The following GRAMD4 variants were observed in gnomAD, a reference collection of about 807,000 sequenced individuals.
The protein encoded by GRAMD4 is GRAM domain containing 4, also known as GRAM domain-containing protein 4.
Under a neutral mutation model 83.9 loss-of-function variants are expected in GRAMD4, and 25 were observed. That is an observed-to-expected ratio of 0.30 (90% confidence interval 0.22 to 0.42). GRAMD4 has a LOEUF of 0.42. Ranked by LOEUF, GRAMD4 falls within the 10% of genes least tolerant of loss-of-function variation. The probability of loss-of-function intolerance (pLI) is 1.00; values close to 1 mark genes in which losing one functional copy is unlikely to be tolerated. For synonymous variants in GRAMD4, 336 were observed against 320.9 expected (o/e 1.05, Z -0.50); for missense variants, 593 against 788.7 (o/e 0.75, Z 2.97).
At chr22:46,602,111 G>T (rs775239668) in intron 1 of GRAMD4, among the ~76,000 whole-genome samples, 1 of 152,224 alleles carries the variant, frequency 6.6e-6, no homozygotes, top group Non-Finnish European at 1.5e-5. Flanking sequence ...GAGGCTGTGG[G>T]GCTGCACTGT....
intron 1 of GRAMD4, among the ~76,000 whole-genome samples, chr22:46,584,221 G>A (rs908059201): frequency 6.6e-6 from 1 of 152,082 alleles, no homozygotes; most frequent in Non-Finnish European, 1.5e-5. Context: ...CCTTCTGCAG[G>A]GAGCCCGGGT....
chr22:46,620,623 C>G lies in GRAMD4; in HGVS notation c.-50+58C>G. ...TGGTAGGGCCCATCTGAGTGGAAGC[C>G]CCAGCCTTGGGAAAAGCTGCTACTC... On this transcript the variant is annotated intron_variant, in intron 1 of 18. Coordinates refer to ENST00000406902, the MANE Select transcript of GRAMD4 (RefSeq NM_015124.5). The surrounding 1 kb of genome is among the most constrained non-coding windows in gnomAD (Gnocchi z 4.7). 1 of 665,380 alleles carries G rather than the reference C, an allele frequency of 1.5e-6. No individual in the cohort carries two copies. The allele number at this position is 665,380 out of a possible 1,614,324, so 41.2% of individuals were successfully genotyped here. A position where few individuals can be genotyped will look rare whatever the true frequency, so the allele number is the denominator to read the frequency against.
chr22:46,652,040 C>A (rs912162937), intron 3 of GRAMD4, among the ~76,000 whole-genome samples: 1 of 152,268 alleles, frequency 6.6e-6, no homozygotes, highest in East Asian at 1.9e-4. Flanking sequence ...TTGCTTGACA[C>A]GATTGTCTCG....
At chr22:46,661,353 CTT>C (rs746187524) in intron 4 of GRAMD4, 26 bp from the exon 5 acceptor site, 12 of 1,600,358 alleles carry the variant, frequency 7.5e-6, no homozygotes, top group Non-Finnish European at 1.0e-5. Context: ...TAACAGACCT[CTT>C]GTCTCTTCTC....
chr22:46,651,603 CAT>C (rs1287615511), intron 3 of GRAMD4, among the ~76,000 whole-genome samples: 4 of 152,246 alleles, frequency 2.6e-5, no homozygotes, highest in Admixed American at 2.0e-4. Flanking sequence ...ACGTCTTGCA[CAT>C]GTCTGTGCCC....
At chr22:46,663,437 C>A (rs1002036336) in intron 6 of GRAMD4, among the ~76,000 whole-genome samples, 5 of 152,194 alleles carry the variant, frequency 3.3e-5, no homozygotes, top group African/African-American at 1.2e-4. Context: ...TCATGGGGCT[C>A]AGCCCACTGC....
At position 46,655,927 on chromosome 22, in the gene GRAMD4, G is replaced by A. The variant is rs148782312; in HGVS notation, c.284-2260G>A. On this transcript the variant is annotated intron_variant, in intron 3 of 18. Transcript: ENST00000406902. ...CAGCGGGTCGGGGACCTCCGTCCGC[G>A]GAGAAAAGTAGCCGTGCCAGGGCCA... Among the ~76,000 whole-genome samples the A allele has an allele frequency of 8.9e-4, 135 of 152,088 alleles. No homozygotes were observed. In the East Asian group the frequency reaches 0.015, roughly 17 times the overall value.
At chr22:46,671,758 T>C (rs1366826688) in intron 13 of GRAMD4, among the ~76,000 whole-genome samples, 1 of 149,722 alleles carries the variant, frequency 6.7e-6, no homozygotes, top group Non-Finnish European at 1.5e-5. Context: ...GAGAATCGCT[T>C]GAACCCGGGA....
At chr22:46,670,230 G>A (rs916764109) in intron 13 of GRAMD4, among the ~76,000 whole-genome samples, 2 of 152,246 alleles carry the variant, frequency 1.3e-5, no homozygotes, top group African/African-American at 4.8e-5. Flanking sequence ...TTACCATAAC[G>A]CAAGCCCGAC....
At chr22:46,608,759 A>G (rs532343113) in intron 1 of GRAMD4, among the ~76,000 whole-genome samples, 4 of 152,342 alleles carry the variant, frequency 2.6e-5, no homozygotes, top group Admixed American at 2.6e-4. Context: ...CTGTAATCCC[A>G]GCACTTTGGG....
upstream of GRAMD4, among the ~76,000 whole-genome samples, chr22:46,615,559 CT>C (rs2081471584): frequency 7.0e-6 from 1 of 143,754 alleles, no homozygotes; most frequent in African/African-American, 2.6e-5. Flanking sequence ...GTAGGTTCCC[CT>C]GTGCGTGTAG....
upstream of GRAMD4, among the ~76,000 whole-genome samples, chr22:46,619,913 G>A (rs756856644): frequency 3.9e-5 from 6 of 152,178 alleles, no homozygotes; most frequent in Non-Finnish European, 7.3e-5. Flanking sequence ...GAGGGCTGGC[G>A]GCTGTGGGAA....
chr22:46,663,193 G>A (rs368363395), intron 6 of GRAMD4, 21 bp downstream of exon 6: 2 of 1,603,822 alleles, frequency 1.2e-6, no homozygotes, highest in Non-Finnish European at 1.7e-6. Flanking sequence ...GCCGAGCTGG[G>A]GCTGCCTGTG....
intron 1 of GRAMD4, among the ~76,000 whole-genome samples, chr22:46,594,189 C>G (rs1182632633): frequency 6.6e-6 from 1 of 151,780 alleles, no homozygotes. Flanking sequence ...CGGCTCCTGC[C>G]CCAGCTCTGT....
intron 4 of GRAMD4, among the ~76,000 whole-genome samples, chr22:46,661,035 T>G (rs552289077): frequency 6.6e-6 from 1 of 152,256 alleles, no homozygotes; most frequent in Non-Finnish European, 1.5e-5. Flanking sequence ...TAAACACATG[T>G]GTGTTGATCA....
chr22:46,634,074 C>T (rs2081820714), intron 2 of GRAMD4, among the ~76,000 whole-genome samples: 1 of 152,266 alleles, frequency 6.6e-6, no homozygotes, highest in Admixed American at 6.5e-5. Context: ...CACCTGCCCT[C>T]TGTACCTTCA....
At chr22:46,630,225 C>T (rs533937018) in intron 2 of GRAMD4, among the ~76,000 whole-genome samples, 8 of 152,190 alleles carry the variant, frequency 5.3e-5, no homozygotes, top group African/African-American at 1.9e-4. Context: ...GGGGTTTCGC[C>T]GTGTTGCCCA....
chr22:46,617,014 G>GTGTAGGTTCCCCTGTGCGTGTA (rs1569263438), upstream of GRAMD4, among the ~76,000 whole-genome samples: 190 of 16,122 alleles, frequency 0.012, 12 homozygotes, highest in Non-Finnish European at 0.013. Context: ...CTGTGCGTGT[G>GTGTAGGTTCCCCTGTGCGTGTA]GGTTCCCCCG....
intron 2 of GRAMD4, among the ~76,000 whole-genome samples, chr22:46,634,450 G>A (rs1367796943): frequency 6.6e-6 from 1 of 152,232 alleles, no homozygotes; most frequent in African/African-American, 2.4e-5. Flanking sequence ...TCAGCGAAGG[G>A]GCAGAGGGCG....
Sources: gnomAD v4.1 joint callset for allele counts (sites outside exome capture counted in the v4.1 genomes callset) on GRCh38, gnomAD v4.1.1 for gene constraint, Gnocchi (gnomAD v3.1) non-coding constraint, MANE v1.5 for transcripts, NCBI Gene and HGNC (gene_info 2026-07-23, HGNC 2026-07-21) for gene names.